ENAH: variants seen among roughly 807,000 people sequenced by gnomAD.
ENAH encodes the protein ENAH actin regulator.
A neutral mutation model predicts 78.7 loss-of-function variants in ENAH; 23 were observed. The ratio of observed to expected loss-of-function variants is 0.29; its 90% CI spans 0.21 to 0.41. The LOEUF (loss-of-function observed/expected upper bound fraction) is 0.41. Among genes scored for constraint, ENAH ranks in the 10% least tolerant of loss-of-function variants. The pLI is 1.00. For missense variants in ENAH, 544 were observed against 691.0 expected (o/e 0.79, Z 2.39); for synonymous variants, 226 against 241.0 (o/e 0.94, Z 0.58).
Position 225,514,892 on chromosome 1 carries a change from A to G in ENAH, c.922T>C (p.Leu308=). The G allele has an allele frequency of 6.2e-7, 1 of 1,611,110 alleles. No individual in the cohort carries two copies. Among genetic ancestry groups the G allele is most frequent in the Non-Finnish European group, 8.5e-7 (1 of 1,179,142 alleles). Residue 308 remains leucine (L), a synonymous_variant, in exon 7 of 14, where the codon TTG becomes CTG. Transcript: ENST00000366843. ...GGAGGTGGAGGTGCAAGTGGTCCCA[A>G]GACAATGCCTGAGAGAGAGAAATGT... is the stretch of plus-strand genomic sequence containing the variant. The part of the protein sequence containing the change: ...AETPSQQGIV[L]GPLAPPPPPP...
chr1:225,589,345 C>T (rs913842517), intron 1 of ENAH, among the ~76,000 whole-genome samples: 3 of 152,064 alleles, frequency 2.0e-5, no homozygotes, highest in Non-Finnish European at 2.9e-5. Flanking sequence ...CCCTAGGTAA[C>T]GATATAAATA....
At chr1:225,530,467 A>C in intron 4 of ENAH, 87 bp downstream of exon 4, 1 of 1,085,014 alleles carries the variant, frequency 9.2e-7, no homozygotes, top group South Asian at 1.4e-5. Flanking sequence ...AACAGCTGAT[A>C]AGACATAATC....
At chr1:225,505,666 CTT>C (rs1037041448) in intron 11 of ENAH, among the ~76,000 whole-genome samples, 3 of 152,108 alleles carry the variant, frequency 2.0e-5, no homozygotes, top group African/African-American at 7.2e-5. Context: ...GGAGAGATAA[CTT>C]AGGAAGAAAA....
chr1:225,594,781 G>A (rs1054403025), intron 1 of ENAH, among the ~76,000 whole-genome samples: 7 of 152,174 alleles, frequency 4.6e-5, no homozygotes, highest in Admixed American at 2.6e-4. Flanking sequence ...AAAATAATAC[G>A]CAATTCTGCA....
chr1:225,649,321 T>C (rs1430846300), intron 1 of ENAH, among the ~76,000 whole-genome samples: 2 of 151,650 alleles, frequency 1.3e-5, no homozygotes, highest in Admixed American at 6.6e-5. Context: ...AGAATGTAAA[T>C]ACAAAATCTT....
intron 1 of ENAH, among the ~76,000 whole-genome samples, chr1:225,625,436 AAAG>A (rs1478091354): frequency 6.6e-6 from 1 of 152,226 alleles, no homozygotes; most frequent in Admixed American, 6.5e-5. Flanking sequence ...CTTTTTAAAA[AAAG>A]AAGTCGTGCA....
intron 4 of ENAH, among the ~76,000 whole-genome samples, chr1:225,526,847 T>C (rs1235927018): frequency 6.6e-6 from 1 of 152,206 alleles, no homozygotes; most frequent in Non-Finnish European, 1.5e-5. Flanking sequence ...TTTCAACTCT[T>C]TGTTTTGGTC....
At chr1:225,566,832 T>C (rs2096737281) in intron 2 of ENAH, among the ~76,000 whole-genome samples, 1 of 152,204 alleles carries the variant, frequency 6.6e-6, no homozygotes, top group Non-Finnish European at 1.5e-5. Flanking sequence ...CTATCACATG[T>C]GAATTTAACA....
Position 225,491,714 on chromosome 1 carries a change from A to T in ENAH, c.*6061T>A, listed in dbSNP as rs561628329. The T allele has an allele frequency of 1.3e-4, 20 of 152,306 alleles. No individual in the cohort carries two copies. The highest frequency in any genetic ancestry group is 4.8e-4 in the African/African-American group (20 of 41,570). The allele number at this position is 152,306 out of a possible 1,614,324, so 9.4% of individuals were successfully genotyped here. A position where few individuals can be genotyped will look rare whatever the true frequency, so the allele number is the denominator to read the frequency against. On this transcript the variant is annotated 3_prime_UTR_variant, in exon 14 of 14. Coordinates refer to ENST00000366843, the MANE Select transcript of ENAH (RefSeq NM_018212.6). ...GGGAAAATTAACTCTCAATCTAAAC[A>T]CTAGCCAATGTAGACTTTTTCTTCT...
At chr1:225,651,434 C>T (rs183648685) in intron 1 of ENAH, among the ~76,000 whole-genome samples, 6 of 152,086 alleles carry the variant, frequency 3.9e-5, no homozygotes, top group Admixed American at 3.9e-4. Flanking sequence ...ATGGAAACTA[C>T]CGAAATTGAG....
At chr1:225,514,013 A>G (rs1164836041) in intron 7 of ENAH, among the ~76,000 whole-genome samples, 2 of 152,244 alleles carry the variant, frequency 1.3e-5, no homozygotes, top group East Asian at 1.9e-4. Flanking sequence ...AAAAAAGTGC[A>G]TGTGTAAAGA....
chr1:225,531,167 AT>A, intron 3 of ENAH: 1 of 397,282 alleles, frequency 2.5e-6, no homozygotes, highest in Non-Finnish European at 4.4e-6. Flanking sequence ...TTTTTGTCTA[AT>A]AGCCTAGCAT....
chr1:225,566,014 C>T (rs980297208), intron 2 of ENAH, among the ~76,000 whole-genome samples: 1 of 152,166 alleles, frequency 6.6e-6, no homozygotes, highest in African/African-American at 2.4e-5. Context: ...TGTGAAAGTT[C>T]ATCTCCACGC....
At chr1:225,565,163 C>T (rs1309848691) in intron 2 of ENAH, among the ~76,000 whole-genome samples, 2 of 152,218 alleles carry the variant, frequency 1.3e-5, no homozygotes, top group South Asian at 4.2e-4. Flanking sequence ...GAGCCTGGCG[C>T]GGTGGCTCAC....
At chr1:225,608,455 A>G (rs1458152763) in intron 1 of ENAH, among the ~76,000 whole-genome samples, 1 of 151,768 alleles carries the variant, frequency 6.6e-6, no homozygotes, top group African/African-American at 2.4e-5. Flanking sequence ...TCATTATAAA[A>G]TTTCAGAACA....
chr1:225,554,279 G>A (rs1434011046), intron 3 of ENAH, among the ~76,000 whole-genome samples: 1 of 151,926 alleles, frequency 6.6e-6, no homozygotes, highest in Non-Finnish European at 1.5e-5. Flanking sequence ...TTTAAACCAA[G>A]ACAAAACTGA....
chr1:225,641,133 G>A (rs185938863), intron 1 of ENAH, among the ~76,000 whole-genome samples: 235 of 151,552 alleles, frequency 1.6e-3, no homozygotes, highest in Non-Finnish European at 2.8e-3. Context: ...AAAGTGCTGG[G>A]ATTACAGGCA....
chr1:225,513,977 GA>G (rs1225671904), intron 7 of ENAH, among the ~76,000 whole-genome samples: 1 of 151,690 alleles, frequency 6.6e-6, no homozygotes, highest in Non-Finnish European at 1.5e-5. Context: ...TAACAAGAGT[GA>G]AACTCCGTCT....
intron 1 of ENAH, among the ~76,000 whole-genome samples, chr1:225,644,857 G>C (rs1345150777): frequency 6.6e-6 from 1 of 152,052 alleles, no homozygotes; most frequent in African/African-American, 2.4e-5. Context: ...AAAACTTTTG[G>C]TATTTGAGAC....
Sources: gnomAD v4.1 joint callset for allele counts (sites outside exome capture counted in the v4.1 genomes callset) on GRCh38, gnomAD v4.1.1 for gene constraint, MANE v1.5 for transcripts, NCBI Gene and HGNC (gene_info 2026-07-23, HGNC 2026-07-21) for gene names.